Variants in CLTC observed in about 807,000 individuals in gnomAD.
CLTC encodes clathrin heavy chain 1.
A neutral mutation model predicts 195.8 loss-of-function variants in CLTC; 16 were observed. The ratio of observed to expected loss-of-function variants is 0.08; its 90% confidence interval spans 0.06 to 0.12. The LOEUF (loss-of-function observed/expected upper bound fraction) is 0.12, where lower values mean the gene tolerates loss of function less well. CLTC is among the 10% of genes least tolerant of loss of function. The pLI is 1.00. For missense variants in CLTC, 796 were observed against 2,027.0 expected (o/e 0.39, Z 11.66); for synonymous variants, 667 against 689.4 (o/e 0.97, Z 0.51).
In CLTC at chr17:59,683,392, A is replaced by G. The variant is rs2033117808; in HGVS notation, c.4047A>G (p.Leu1349=). ...ATTAAGTCTTTCTTATGCAGGTGCTAAGAGCTGCAGAACAAGCTCATCTTT... is the reference window on the plus strand; with the variant it reads ...ATTAAGTCTTTCTTATGCAGGTGCTGAGAGCTGCAGAACAAGCTCATCTTT... ...FWSRVNIPKV[L]RAAEQAHLWA... is the part of the protein sequence containing the mutation. Residue 1349 remains leucine (L), a synonymous_variant, in exon 26 of 32, where the codon CTA becomes CTG. Transcript: ENST00000269122. The surrounding 1 kb of genome is among the most constrained non-coding windows in gnomAD (Gnocchi z 6.1). 3 of 1,612,010 alleles carry G rather than the reference A, an allele frequency of 1.9e-6. No individual in the cohort carries two copies. Among genetic ancestry groups the G allele is most frequent in the Non-Finnish European group, 2.5e-6 (3 of 1,179,096 alleles).
In CLTC at chr17:59,644,390, A is replaced by G. The variant is rs1329078742; in HGVS notation, c.157A>G (p.Ile53Val). Residue 53 changes from isoleucine (I) to valine (V), a missense_variant, in exon 2 of 32, where the codon ATT becomes GTT. Physicochemically the swap from Ile to Val is conservative, Grantham distance 29. Coordinates refer to ENST00000269122, the MANE Select transcript of CLTC (RefSeq NM_004859.4). ...AGGAGAGCAGGCCCAGGTGGTAATC[A>G]TTGATATGAATGACCCAAGTAATCC... is the stretch of plus-strand genomic sequence containing the variant. ...KVGEQAQVVI[I>V]DMNDPSNPIR... The G allele has an allele frequency of 5.6e-6, 9 of 1,614,162 alleles. No individual in the cohort carries two copies. The highest frequency in any genetic ancestry group is 1.7e-5 in the Admixed American group (1 of 60,020).
intron 3 of CLTC, among the ~76,000 whole-genome samples, chr17:59,647,949 A>C (rs899635376): frequency 6.6e-6 from 1 of 152,140 alleles, no homozygotes; most frequent in African/African-American, 2.4e-5. Flanking sequence ...TTTCTGTAAG[A>C]ATGATTTGGG....
chr17:59,620,268 G>A, intron 1 of CLTC, 95 bp downstream of exon 1: 1 of 1,319,104 alleles, frequency 7.6e-7, no homozygotes, highest in South Asian at 1.2e-5. Flanking sequence ...CGGAGCTGGA[G>A]GGGCGGGGGG....
At chr17:59,693,086 A>G (rs2033345050) in intron 31 of CLTC, among the ~76,000 whole-genome samples, 1 of 152,206 alleles carries the variant, frequency 6.6e-6, no homozygotes, top group South Asian at 2.1e-4. Flanking sequence ...TGTCATTTAG[A>G]CCAAGCATGG....
At chr17:59,623,568 G>T (rs1261669660) in intron 1 of CLTC, among the ~76,000 whole-genome samples, 1 of 152,166 alleles carries the variant, frequency 6.6e-6, no homozygotes, top group Admixed American at 6.5e-5. Context: ...AGTTGCTCTT[G>T]AACAATTGTT....
Position 59,696,794 on chromosome 17 carries a change from G to A in CLTC, c.*2942G>A, listed in dbSNP as rs1049562067. 9.8e-6 allele frequency: 2 copies of A among 203,896 alleles called. No individual in the cohort carries two copies. Among genetic ancestry groups the A allele is most frequent in the African/African-American group, 4.6e-5 (2 of 43,754 alleles). 12.6% of individuals were successfully genotyped at this position (203,896 alleles called of 1,614,324 possible). The stretch of plus-strand genomic sequence containing the variant: ...CATTTCCATCTGTTAAGGTCCATAA[G>A]GTTACTCAAGTTTCAGTGGCTTCAT... On this transcript the variant is annotated 3_prime_UTR_variant, in exon 32 of 32. Coordinates refer to ENST00000269122, the MANE Select transcript of CLTC (RefSeq NM_004859.4).
intron 30 of CLTC, chr17:59,689,059 CA>C (rs982061587): frequency 6.6e-6 from 1 of 152,132 alleles, no homozygotes; most frequent in African/African-American, 2.4e-5. Context: ...ACTTATACTA[CA>C]TAATAGTCTT....
intron 1 of CLTC, among the ~76,000 whole-genome samples, chr17:59,627,726 A>G (rs1277611175): frequency 6.6e-6 from 1 of 152,244 alleles, no homozygotes; most frequent in Non-Finnish European, 1.5e-5. Context: ...AAAATTGTGC[A>G]GGATGATTGG....
chr17:59,675,136 T>TCTC (rs1351718589), intron 16 of CLTC, among the ~76,000 whole-genome samples: 14 of 152,176 alleles, frequency 9.2e-5, no homozygotes, highest in African/African-American at 2.7e-4. Context: ...ATGTACTAAG[T>TCTC]CTCCTGTTTA....
chr17:59,626,448 A>T (rs2031553836), intron 1 of CLTC, among the ~76,000 whole-genome samples: 1 of 152,194 alleles, frequency 6.6e-6, no homozygotes, highest in African/African-American at 2.4e-5. Context: ...ACATATTTGA[A>T]AAAAAAACTT....
Position 59,641,928 on chromosome 17 carries a change from T to A in CLTC, c.43-2348T>A, listed in dbSNP as rs146857368. ...GTATCAAACTCCTGGGCTCAAGTGATCCTCTCATCTCAGCCTCCCAAAGTG... is the reference window on the plus strand; with the variant it reads ...GTATCAAACTCCTGGGCTCAAGTGAACCTCTCATCTCAGCCTCCCAAAGTG... On this transcript the variant is annotated intron_variant, in intron 1 of 31. Transcript: ENST00000269122. Among the ~76,000 whole-genome samples, 77 of 151,810 alleles carry A rather than the reference T, an allele frequency of 5.1e-4. No homozygotes were observed. In the East Asian group the frequency reaches 0.011, roughly 21 times the overall value.
chr17:59,669,946 A>C (rs954759111), intron 14 of CLTC, among the ~76,000 whole-genome samples: 1 of 152,204 alleles, frequency 6.6e-6, no homozygotes, highest in African/African-American at 2.4e-5. Flanking sequence ...TTAAATAGCA[A>C]AACCCTTAGG....
chr17:59,660,509 T>G lies in CLTC; in HGVS notation c.1088T>G (p.Leu363Arg). The change falls in exon 7 of 32, where the codon CTC becomes CGC. Residue 363 changes from leucine to arginine, a missense_variant. By Grantham distance (102) the Leu-to-Arg change is moderately radical. This residue lies in a region of CLTC where 293 missense variants were observed against 795.6 expected (regional missense o/e 0.37). Coordinates refer to ENST00000269122, the MANE Select transcript of CLTC (RefSeq NM_004859.4). ...VRNNLAGAEE[L>R]FARKFNALFA... ...AATAACTTAGCCGGTGCTGAAGAAC[T>G]CTTTGCCCGGAAATTTAATGCTCTT... 1 of 1,614,180 alleles carries G rather than the reference T, an allele frequency of 6.2e-7. No homozygotes were observed. Among genetic ancestry groups the G allele is most frequent in the Non-Finnish European group, 8.5e-7 (1 of 1,180,022 alleles).
Position 59,666,180 on chromosome 17 carries a change from C to G in CLTC, c.1722C>G (p.Arg574=). ...AFLLDALKNN[R]PSEGPLQTRL... ...TGCTTGATGCTCTGAAGAATAATCGCCCATCTGAAGGTCCTTTACAGACGC... is the reference window on the plus strand; with the variant it reads ...TGCTTGATGCTCTGAAGAATAATCGGCCATCTGAAGGTCCTTTACAGACGC... Residue 574 remains arginine, a synonymous_variant, in exon 11 of 32, where the codon CGC becomes CGG. Transcript: ENST00000269122. This position sits in a 1 kb window ranked among gnomAD's most constrained non-coding sequence, Gnocchi z 4.9. 6.2e-7 allele frequency: 1 copy of G among 1,613,918 alleles called. No individual in the cohort carries two copies. Among genetic ancestry groups the G allele is most frequent in the Non-Finnish European group, 8.5e-7 (1 of 1,179,858 alleles).
chr17:59,639,396 T>C (rs1765447882), intron 1 of CLTC, among the ~76,000 whole-genome samples: 1 of 152,186 alleles, frequency 6.6e-6, no homozygotes, highest in Admixed American at 6.5e-5. Flanking sequence ...ACCCAGTTTA[T>C]TGACTCCATA....
At chr17:59,630,996 G>C (rs1444110639) in intron 1 of CLTC, among the ~76,000 whole-genome samples, 1 of 152,190 alleles carries the variant, frequency 6.6e-6, no homozygotes, top group East Asian at 1.9e-4. Flanking sequence ...TTCCACAGTG[G>C]TGGCACCATT....
chr17:59,666,996 GTTT>G lies in CLTC; in HGVS notation c.2128+22_2128+24del, dbSNP rs1181442260. On this transcript the variant is annotated intron_variant, in intron 13 of 31. Coordinates refer to ENST00000269122, the MANE Select transcript of CLTC (RefSeq NM_004859.4). The surrounding 1 kb of genome is among the most constrained non-coding windows in gnomAD (Gnocchi z 4.9). Reference sequence around the variant, plus strand: ...TTTGAAGGTAATTAGGAGTTTTTGAGTTTTTAAAAAAAGTACTTAAGGTAGCCA... The same window carrying G: ...TTTGAAGGTAATTAGGAGTTTTTGAGTTAAAAAAAGTACTTAAGGTAGCCA... The G allele has an allele frequency of 6.3e-7, 1 of 1,590,276 alleles. No homozygotes were observed. Among genetic ancestry groups the G allele is most frequent in the Admixed American group, 1.8e-5 (1 of 57,054 alleles).
At chr17:59,641,723 A>C in intron 1 of CLTC, among the ~76,000 whole-genome samples, 1 of 151,940 alleles carries the variant, frequency 6.6e-6, no homozygotes, top group Non-Finnish European at 1.5e-5. Flanking sequence ...TACATTCCTG[A>C]AGGAGATCAA....
chr17:59,641,354 G>A (rs1229547018), intron 1 of CLTC, among the ~76,000 whole-genome samples: 1 of 151,880 alleles, frequency 6.6e-6, no homozygotes, highest in African/African-American at 2.4e-5. Flanking sequence ...TGACTGACTT[G>A]TCTAGACTGA....
Sources: gnomAD v4.1 joint callset for allele counts (sites outside exome capture counted in the v4.1 genomes callset) on GRCh38, gnomAD v4.1.1 for gene constraint, gnomAD v4.1.1 regional missense constraint, Gnocchi (gnomAD v3.1) non-coding constraint, MANE v1.5 for transcripts, NCBI Gene and HGNC (gene_info 2026-07-23, HGNC 2026-07-21) for gene names.